FGG: variants seen among roughly 807,000 people sequenced by gnomAD.
The protein encoded by FGG is fibrinogen gamma chain.
A neutral mutation model predicts 51.7 loss-of-function variants in FGG; 20 were observed. The observed-to-expected ratio is 0.39, with a 90% CI of 0.27 to 0.56. The LOEUF (loss-of-function observed/expected upper bound fraction) is 0.56, where lower values mean the gene tolerates loss of function less well. FGG is among the 20% of genes least tolerant of loss of function. FGG has a pLI of 0.64. For synonymous variants in FGG, 184 were observed against 184.7 expected, an observed-to-expected ratio of 1.00 and a Z score of 0.03; for missense variants, 460 against 534.2, an observed-to-expected ratio of 0.86 and a Z score of 1.37.
At chr4:154,612,369 G>A (rs772175680) in intron 2 of FGG, 22 bp downstream of exon 2, 3 of 1,612,094 alleles carry the variant, frequency 1.9e-6, no homozygotes, top group Non-Finnish European at 2.5e-6. Flanking sequence ...CACACAAAGG[G>A]AGAAACATAA....
chr4:154,608,338 G>C (rs891046655), intron 7 of FGG, 128 bp downstream of exon 7: 28 of 919,694 alleles, frequency 3.0e-5, no homozygotes, highest in Non-Finnish European at 4.4e-5. Context: ...GACTCCTGGA[G>C]AAAATGGTGG....
chr4:154,610,547 T>C (rs1446795138), intron 4 of FGG, among the ~76,000 whole-genome samples: 1 of 152,190 alleles, frequency 6.6e-6, no homozygotes, highest in East Asian at 1.9e-4. Context: ...CTTTTTACTT[T>C]ATGCATAAGG....
chr4:154,604,261 T>C lies in FGG; in HGVS notation c.*573A>G. 3 of 1,177,454 alleles carry C rather than the reference T, an allele frequency of 2.5e-6. No individual in the cohort carries two copies. The highest frequency in any genetic ancestry group is 3.5e-6 in the Non-Finnish European group (3 of 861,278). 72.9% of individuals were successfully genotyped at this position (1,177,454 alleles called of 1,614,324 possible). A position where few individuals can be genotyped will look rare whatever the true frequency, so the allele number is the denominator to read the frequency against. On this transcript the variant is annotated 3_prime_UTR_variant, in exon 9 of 9. Transcript: ENST00000336098. ...AATGAAGTGAAGCTTTGCAAGTCCATTGTCCAATAGGAAAAATATTATATC... is the reference window on the plus strand; with the variant it reads ...AATGAAGTGAAGCTTTGCAAGTCCACTGTCCAATAGGAAAAATATTATATC...
rs760142840 is a variant in FGG at position 154,612,561 on chromosome 4, G to A, written c.49C>T (p.Leu17Phe). The change falls in exon 1 of 9, where the codon CTT becomes TTT. Residue 17 changes from leucine (L) to phenylalanine (F), a missense_variant. By Grantham distance (22) the Leu-to-Phe change is conservative. Around this residue, in one of 3 missense-constraint regions of FGG, gnomAD observed 353 missense variants for 391.7 expected, o/e 0.90. Coordinates refer to ENST00000336098, the MANE Select transcript of FGG (RefSeq NM_021870.3). ...PRNLILYFYA[L>F]LFLSSTCVAY... is the part of the protein sequence containing the mutation. ...ACACATGTTGAAGAGAGAAATAAAA[G>A]AGCATAGAAGTAGAGAATTAAATTC... 6.2e-7 allele frequency: 1 copy of A among 1,613,978 alleles called. No individual in the cohort carries two copies. The highest frequency in any genetic ancestry group is 8.5e-7 in the Non-Finnish European group (1 of 1,179,896).
At chr4:154,607,087 A>G (rs964795220) in intron 7 of FGG, 105 bp from the exon 8 acceptor site, 39 of 1,422,344 alleles carry the variant, frequency 2.7e-5, no homozygotes, top group Non-Finnish European at 3.7e-5. Context: ...TTTGTTTCTT[A>G]AGGCTGAAAT....
In FGG at chr4:154,608,643, T is replaced by A. The variant is rs1260834809; in HGVS notation, c.674A>T (p.Asp225Val). ...NGWTVFQKRL[D>V]GSVDFKKNWI... ...GTTTTTCTTGAAATCTACACTGCCA[T>A]CAAGTCTCTAATTACACATTTGCAA... Residue 225 changes from aspartate (D) to valine (V), a missense_variant, in exon 7 of 9, where the codon GAT becomes GTT. Coordinates refer to ENST00000336098, the MANE Select transcript of FGG (RefSeq NM_021870.3). 9 of 1,611,228 alleles carry A rather than the reference T, an allele frequency of 5.6e-6. No homozygotes were observed. Among genetic ancestry groups the A allele is most frequent in the Non-Finnish European group, 6.8e-6 (8 of 1,179,612 alleles).
Position 154,604,509 on chromosome 4 carries a change from T to C in FGG, c.*325A>G. On this transcript the variant is annotated 3_prime_UTR_variant, in exon 9 of 9. Coordinates refer to ENST00000336098, the MANE Select transcript of FGG (RefSeq NM_021870.3). ...ATGTTCTCCTATTTTATTAAGTACATACTAAAATATTTGATATAATGAAAA... is the reference window on the plus strand; with the variant it reads ...ATGTTCTCCTATTTTATTAAGTACACACTAAAATATTTGATATAATGAAAA... 9.2e-7 allele frequency: 1 copy of C among 1,092,402 alleles called. No individual in the cohort carries two copies. The highest frequency in any genetic ancestry group is 1.2e-6 in the Non-Finnish European group (1 of 803,392). The allele number at this position is 1,092,402 out of a possible 1,614,324, so 67.7% of individuals were successfully genotyped here. A position where few individuals can be genotyped will look rare whatever the true frequency, so the allele number is the denominator to read the frequency against.
rs1286976891 is a variant in FGG at position 154,610,136 on chromosome 4, C to A, written c.463G>T (p.Ala155Ser). The part of the protein sequence containing the change: ...QKIVNLKEKV[A>S]QLEAQCQEPC... ...TCCTGGCACTGTGCTTCAAGCTGGG[C>A]TACCTTCTCTTTCAGGTTAACAATC... is the stretch of plus-strand genomic sequence containing the variant. Residue 155 changes from alanine to serine, a missense_variant, in exon 5 of 9, where the codon GCC becomes TCC. Coordinates refer to ENST00000336098, the MANE Select transcript of FGG (RefSeq NM_021870.3). 6.2e-7 allele frequency: 1 copy of A among 1,611,436 alleles called. No homozygotes were observed. Among genetic ancestry groups the A allele is most frequent in the East Asian group, 2.2e-5 (1 of 44,836 alleles).
chr4:154,609,822 C>T (rs1449125155), intron 5 of FGG, 59 bp from the exon 6 acceptor site: 3 of 1,612,404 alleles, frequency 1.9e-6, no homozygotes, highest in East Asian at 2.2e-5. Flanking sequence ...CTGTGCCAGC[C>T]TTGAAAAATA....
chr4:154,604,982 A>G lies in FGG; in HGVS notation c.1214T>C (p.Met405Thr). Residue 405 changes from methionine to threonine, a missense_variant, in exon 9 of 9, where the codon ATG becomes ACG. By Grantham distance (81) the Met-to-Thr change is moderately conservative. This residue lies in a region of FGG where 92 missense variants were observed against 93.7 expected (regional missense o/e 0.98). Transcript: ENST00000336098. Reference sequence around the variant, plus strand: ...GATTATCTTCATAGTGGTTTTCTTCATGGAATACCACCGGGTTTTCCAAGT... The same window carrying G: ...GATTATCTTCATAGTGGTTTTCTTCGTGGAATACCACCGGGTTTTCCAAGT... Reference protein sequence around the residue: ...WATWKTRWYSMKKTTMKIIPF... With the variant: ...WATWKTRWYSTKKTTMKIIPF... 6.2e-7 allele frequency: 1 copy of G among 1,614,048 alleles called. No individual in the cohort carries two copies. Among genetic ancestry groups the G allele is most frequent in the Non-Finnish European group, 8.5e-7 (1 of 1,179,966 alleles).
chr4:154,606,677 A>G (rs1331196254), intron 8 of FGG, 28 bp downstream of exon 8: 5 of 1,611,390 alleles, frequency 3.1e-6, no homozygotes. Flanking sequence ...CTATACATTA[A>G]CTTGGAATCT....
At chr4:154,606,554 C>A in intron 8 of FGG, 151 bp downstream of exon 8, 1 of 955,356 alleles carries the variant, frequency 1.0e-6, no homozygotes, top group Non-Finnish European at 1.5e-6. Flanking sequence ...TATCCACTTC[C>A]AGTTTCAAAG....
intron 8 of FGG, among the ~76,000 whole-genome samples, chr4:154,606,112 C>T (rs1418810669): frequency 1.3e-5 from 2 of 152,052 alleles, no homozygotes; most frequent in Non-Finnish European, 2.9e-5. Context: ...GGCTTCCCCA[C>T]ACATAACTGC....
chr4:154,608,604 T>C lies in FGG; in HGVS notation c.713A>G (p.Lys238Arg), dbSNP rs1553965666. 8.1e-6 allele frequency: 13 copies of C among 1,613,622 alleles called. No homozygotes were observed. Among genetic ancestry groups the C allele is most frequent in the Non-Finnish European group, 1.0e-5 (12 of 1,179,850 alleles). ...VDFKKNWIQYKEGFGHLSPTG... is the reference protein window; with the variant it reads ...VDFKKNWIQYREGFGHLSPTG... ...AGGAGACAGATGTCCAAATCCTTCT[T>C]TATATTGAATCCAGTTTTTCTTGAA... The change falls in exon 7 of 9, where the codon AAA becomes AGA. Residue 238 changes from lysine to arginine, a missense_variant. Physicochemically the swap from Lys to Arg is conservative, Grantham distance 26 (BLOSUM62 2). Coordinates refer to ENST00000336098, the MANE Select transcript of FGG (RefSeq NM_021870.3).
chr4:154,608,445 G>A, intron 7 of FGG, 21 bp downstream of exon 7: 7 of 1,610,080 alleles, frequency 4.3e-6, no homozygotes, highest in East Asian at 2.2e-5. Context: ...TAAAAAGTTG[G>A]AAGTCATTTC....
chr4:154,612,397 T>G lies in FGG; in HGVS notation c.117A>C (p.Glu39Asp). Residue 39 changes from glutamate to aspartate, a missense_variant, in exon 2 of 9, where the codon GAA becomes GAC. This residue lies in a region of FGG where 353 missense variants were observed against 391.7 expected (regional missense o/e 0.90). Transcript: ENST00000336098. ...AAACATAAAAACTACTTACGAATCT[T>G]TCATCTAAGATGCAGCAGTTGTCTC... ...ATRDNCCILD[E>D]RFGSYCPTTC... The G allele has an allele frequency of 6.2e-7, 1 of 1,613,496 alleles. No individual in the cohort carries two copies. Among genetic ancestry groups the G allele is most frequent in the Non-Finnish European group, 8.5e-7 (1 of 1,179,904 alleles).
In FGG at chr4:154,604,317, T is replaced by C. The variant is rs1578806812; in HGVS notation, c.*517A>G. 1.3e-6 allele frequency: 2 copies of C among 1,511,554 alleles called. No homozygotes were observed. The highest frequency in any genetic ancestry group is 2.5e-5 in the East Asian group (1 of 39,388). The allele number at this position is 1,511,554 out of a possible 1,614,324, so 93.6% of individuals were successfully genotyped here. A position where few individuals can be genotyped will look rare whatever the true frequency, so the allele number is the denominator to read the frequency against. On this transcript the variant is annotated 3_prime_UTR_variant, in exon 9 of 9. Coordinates refer to ENST00000336098, the MANE Select transcript of FGG (RefSeq NM_021870.3). ...GTTCAGATAAAGTCCTTTAAAAAAG[T>C]AAATCTCTTTTGAAACGGTCTTTTA...
intron 6 of FGG, 80 bp downstream of exon 6, chr4:154,609,550 A>C (rs1041676747): frequency 6.5e-7 from 1 of 1,535,976 alleles, no homozygotes; most frequent in African/African-American, 1.4e-5. Flanking sequence ...TACGGTTCAC[A>C]AGGTGCTTAG....
chr4:154,612,303 T>G, intron 2 of FGG, 88 bp downstream of exon 2: 1 of 1,584,466 alleles, frequency 6.3e-7, no homozygotes, highest in Non-Finnish European at 8.7e-7. Flanking sequence ...AAGTTACAAG[T>G]GCCAGATGAT....
Sources: gnomAD v4.1 joint callset for allele counts (sites outside exome capture counted in the v4.1 genomes callset) on GRCh38, gnomAD v4.1.1 for gene constraint, gnomAD v4.1.1 regional missense constraint, MANE v1.5 for transcripts, NCBI Gene and HGNC (gene_info 2026-07-23, HGNC 2026-07-21) for gene names.